BANK1: variants seen among roughly 807,000 people sequenced by gnomAD.
The protein encoded by BANK1 is B-cell scaffold protein with ankyrin repeats.
BANK1 carries 95 observed loss-of-function variants against 94.5 expected under a neutral mutation model. That is an observed-to-expected ratio of 1.00 (90% CI 0.85 to 1.19). The LOEUF (loss-of-function observed/expected upper bound fraction) is 1.19. BANK1 is among the 50% of genes most tolerant of loss of function. The probability of loss-of-function intolerance (pLI) is 0.00; values close to 1 mark genes in which losing one functional copy is unlikely to be tolerated. For synonymous variants in BANK1, 334 were observed against 308.4 expected (o/e 1.08, Z -0.87); for missense variants, 987 against 932.2 (o/e 1.06, Z -0.77).
At chr4:101,875,584 C>T (rs928438590) in intron 5 of BANK1, among the ~76,000 whole-genome samples, 1 of 152,068 alleles carries the variant, frequency 6.6e-6, no homozygotes. Context: ...GGAGAAACCA[C>T]CCCCATGATC....
chr4:101,852,470 C>CTA (rs541955636), intron 2 of BANK1, among the ~76,000 whole-genome samples: 20,728 of 103,186 alleles, frequency 0.2, 1,997 homozygotes, highest in Non-Finnish European at 0.24. Flanking sequence ...TATTTTTCGG[C>CTA]TATATATATA....
chr4:101,828,523 T>C (rs1485298775), intron 1 of BANK1, among the ~76,000 whole-genome samples: 1 of 151,898 alleles, frequency 6.6e-6, no homozygotes, highest in African/African-American at 2.4e-5. Context: ...TCTGTATCAC[T>C]GTGAATCAAG....
chr4:101,940,292 T>C (rs932327666), intron 7 of BANK1, among the ~76,000 whole-genome samples: 2 of 151,372 alleles, frequency 1.3e-5, no homozygotes, highest in African/African-American at 4.8e-5. Flanking sequence ...TTTTTAAAAA[T>C]CAACTTAGTA....
intron 5 of BANK1, among the ~76,000 whole-genome samples, chr4:101,879,122 T>A (rs1728589688): frequency 6.6e-6 from 1 of 151,768 alleles, no homozygotes; most frequent in Non-Finnish European, 1.5e-5. Context: ...CAGAAATAAA[T>A]GAAAATTGAA....
In BANK1 at chr4:101,833,570, G is replaced by T. The variant is rs528762504; in HGVS notation, c.469+3364G>T. 7.9e-5 allele frequency among the ~76,000 whole-genome samples: 12 copies of T among 152,242 alleles called. No individual in the cohort carries two copies. In the East Asian group the frequency reaches 1.5e-3, roughly 20 times the overall value. On this transcript the variant is annotated intron_variant, in intron 2 of 16. Coordinates refer to ENST00000322953, the MANE Select transcript of BANK1 (RefSeq NM_017935.5). The stretch of plus-strand genomic sequence containing the variant: ...TCTACAAGGTACCCTTAGCCTTATA[G>T]GAAGTAAGTTTGCCGGCTCTTTTTT...
chr4:101,949,182 C>T (rs893533643), intron 7 of BANK1, among the ~76,000 whole-genome samples: 7 of 152,208 alleles, frequency 4.6e-5, no homozygotes, highest in Admixed American at 6.5e-5. Context: ...CTCTCATATA[C>T]ATGTAGCTCC....
intron 4 of BANK1, among the ~76,000 whole-genome samples, chr4:101,862,971 G>T (rs1727935676): frequency 6.6e-6 from 1 of 151,834 alleles, no homozygotes; most frequent in Admixed American, 6.6e-5. Flanking sequence ...GACTAAAATT[G>T]TTTGCTTTTT....
intron 6 of BANK1, among the ~76,000 whole-genome samples, chr4:101,902,080 C>T (rs1435581214): frequency 1.3e-5 from 2 of 152,170 alleles, no homozygotes; most frequent in East Asian, 3.9e-4. Context: ...CAATTTTACA[C>T]CATTCCTATC....
intron 15 of BANK1, among the ~76,000 whole-genome samples, chr4:102,072,829 G>GA (rs1728802136): frequency 6.6e-6 from 1 of 152,096 alleles, no homozygotes; most frequent in East Asian, 1.9e-4. Flanking sequence ...AGAGTTAACT[G>GA]AAAATAAATT....
At chr4:101,852,505 C>T (rs56950886) in intron 2 of BANK1, among the ~76,000 whole-genome samples, 17,794 of 49,208 alleles carry the variant, frequency 0.36, 1,874 homozygotes, top group African/African-American at 0.49. Context: ...TATATATATA[C>T]ACACACACAT....
At chr4:101,836,206 C>T (rs936069675) in intron 2 of BANK1, among the ~76,000 whole-genome samples, 2 of 151,980 alleles carry the variant, frequency 1.3e-5, no homozygotes, top group Non-Finnish European at 1.5e-5. Flanking sequence ...TTATGCCTGG[C>T]GCGGTGGCTC....
At chr4:101,992,392 G>A (rs1484223958) in intron 7 of BANK1, among the ~76,000 whole-genome samples, 3 of 152,104 alleles carry the variant, frequency 2.0e-5, no homozygotes, top group African/African-American at 7.2e-5. Flanking sequence ...CATGGCATAG[G>A]AAATATGGGC....
intron 2 of BANK1, among the ~76,000 whole-genome samples, chr4:101,843,782 C>T (rs188636947): frequency 7.9e-4 from 120 of 152,054 alleles, no homozygotes; most frequent in African/African-American, 2.6e-3. Context: ...ATTAGCTGGG[C>T]GTGCTGGCAC....
At chr4:102,018,661 G>A in intron 7 of BANK1, among the ~76,000 whole-genome samples, 1 of 152,158 alleles carries the variant, frequency 6.6e-6, no homozygotes. Flanking sequence ...CATTAAGCAT[G>A]TTCAGCTAAT....
intron 9 of BANK1, among the ~76,000 whole-genome samples, chr4:102,026,766 G>A (rs1185760016): frequency 6.8e-6 from 1 of 147,724 alleles, no homozygotes; most frequent in African/African-American, 2.5e-5. Context: ...AGGTTGCAGT[G>A]AGCCAAGATC....
chr4:102,042,853 AT>A (rs1421986407), intron 10 of BANK1, among the ~76,000 whole-genome samples: 7 of 152,074 alleles, frequency 4.6e-5, no homozygotes, highest in South Asian at 2.1e-4. Flanking sequence ...TTATAAGATA[AT>A]AGTTATGGAG....
At chr4:101,927,466 T>C (rs1723201998) in intron 7 of BANK1, among the ~76,000 whole-genome samples, 2 of 151,590 alleles carry the variant, frequency 1.3e-5, no homozygotes, top group South Asian at 4.1e-4. Flanking sequence ...ACAACTATAT[T>C]GATCACAGAC....
At chr4:101,922,571 A>G (rs982400147) in intron 7 of BANK1, among the ~76,000 whole-genome samples, 1 of 151,810 alleles carries the variant, frequency 6.6e-6, no homozygotes, top group Non-Finnish European at 1.5e-5. Flanking sequence ...CCAATCATAT[A>G]CTTAACTAGG....
chr4:101,899,157 G>GA lies in BANK1; in HGVS notation c.1009+3757dup, dbSNP rs201838414. On this transcript the variant is annotated intron_variant, in intron 6 of 16. Transcript: ENST00000322953. ...AAGCTGTGAAGAAATCAATGTAAAA[G>GA]AAAAAAAAAATGGGCAAGAGTATTT... is the stretch of plus-strand genomic sequence containing the variant. Among the ~76,000 whole-genome samples, 1,285 of 146,052 alleles carry GA rather than the reference G, an allele frequency of 8.8e-3. 13 individuals are homozygous for GA. The highest frequency in any genetic ancestry group is 0.029 in the African/African-American group (1,175 of 39,930).
Sources: gnomAD v4.1 joint callset for allele counts (sites outside exome capture counted in the v4.1 genomes callset) on GRCh38, gnomAD v4.1.1 for gene constraint, MANE v1.5 for transcripts, NCBI Gene and HGNC (gene_info 2026-07-23, HGNC 2026-07-21) for gene names.